The following RPS6KA5 variants were observed in gnomAD, a reference collection of about 807,000 sequenced individuals.
RPS6KA5 encodes the protein ribosomal protein S6 kinase alpha-5.
Under a neutral mutation model 85.5 loss-of-function variants are expected in RPS6KA5, and 27 were observed. The observed-to-expected ratio is 0.32, with a 90% CI of 0.23 to 0.44. The LOEUF is 0.44. Among genes scored for constraint, RPS6KA5 ranks in the 20% least tolerant of loss-of-function variants. RPS6KA5 has a pLI of 1.00. For synonymous variants in RPS6KA5, 334 were observed against 348.2 expected, an observed-to-expected ratio of 0.96 and a Z score of 0.46; for missense variants, 811 against 980.9, an observed-to-expected ratio of 0.83 and a Z score of 2.31.
In RPS6KA5 at chr14:90,872,307, T is replaced by C; in HGVS notation, c.2176A>G (p.Lys726Glu). 2 of 1,611,738 alleles carry C rather than the reference T, an allele frequency of 1.2e-6. No individual in the cohort carries two copies. The highest frequency in any genetic ancestry group is 1.7e-6 in the Non-Finnish European group (2 of 1,179,438). Residue 726 changes from lysine (K) to glutamate (E), a missense_variant, in exon 17 of 17, where the codon AAG becomes GAG. Lys to Glu is a moderately conservative substitution (Grantham distance 56). Coordinates refer to ENST00000614987, the MANE Select transcript of RPS6KA5 (RefSeq NM_004755.4). The stretch of plus-strand genomic sequence containing the variant: ...TTCTGAAGGCAAAACCCCTCTCTCT[T>C]GTATTTGTTAAAGGCCTGGCGGGGG... ...KATFHAFNKYKREGFCLQNVD... is the reference protein window; with the variant it reads ...KATFHAFNKYEREGFCLQNVD...
chr14:90,946,765 C>T (rs919057942), intron 4 of RPS6KA5, among the ~76,000 whole-genome samples: 1 of 152,146 alleles, frequency 6.6e-6, no homozygotes, highest in Non-Finnish European at 1.5e-5. Context: ...TACAATGTTT[C>T]CTCATTAAGT....
At chr14:91,045,907 CT>C (rs1318964544) in intron 1 of RPS6KA5, among the ~76,000 whole-genome samples, 2 of 152,112 alleles carry the variant, frequency 1.3e-5, no homozygotes, top group Admixed American at 6.5e-5. Context: ...AGCCAGACAC[CT>C]TCCTTCCAGT....
At chr14:90,911,583 A>G (rs895050768) in intron 7 of RPS6KA5, 2 of 152,190 alleles carry the variant, frequency 1.3e-5, no homozygotes, top group Non-Finnish European at 2.9e-5. Flanking sequence ...TTTGTCCAAC[A>G]CTAGGGGAAA....
At chr14:91,042,665 A>C (rs914094686) in intron 1 of RPS6KA5, among the ~76,000 whole-genome samples, 1 of 152,084 alleles carries the variant, frequency 6.6e-6, no homozygotes, top group Non-Finnish European at 1.5e-5. Context: ...CCTGCCACCA[A>C]ATCTGCAAAT....
chr14:90,922,157 T>C (rs1325208598), intron 6 of RPS6KA5, among the ~76,000 whole-genome samples: 1 of 152,196 alleles, frequency 6.6e-6, no homozygotes, highest in Admixed American at 6.5e-5. Context: ...CAGTCTCCAG[T>C]GTCTCTGGAA....
intron 9 of RPS6KA5, among the ~76,000 whole-genome samples, chr14:90,901,117 T>C (rs1005307218): frequency 6.6e-6 from 1 of 152,158 alleles, no homozygotes; most frequent in African/African-American, 2.4e-5. Flanking sequence ...GTGGTCTTTT[T>C]TTTTTGAGAT....
chr14:90,969,268 C>T (rs2039213089), intron 3 of RPS6KA5, among the ~76,000 whole-genome samples: 1 of 152,166 alleles, frequency 6.6e-6, no homozygotes, highest in Admixed American at 6.5e-5. Context: ...TAGGGTAAAA[C>T]AGCACGTGCT....
In RPS6KA5 at chr14:90,851,380, G is replaced by T. The variant is rs2031990810; in HGVS notation, c.*20694C>A. 6.6e-6 allele frequency: 1 copy of T among 152,152 alleles called. No individual in the cohort carries two copies. The highest frequency in any genetic ancestry group is 1.5e-5 in the Non-Finnish European group (1 of 68,044). The allele number at this position is 152,152 out of a possible 1,614,324, so 9.4% of individuals were successfully genotyped here. The stretch of plus-strand genomic sequence containing the variant: ...AAATTAAATTGCTATATAACAGAAA[G>T]TCTTCATTATTAAATATCATTCTAC... On this transcript the variant is annotated 3_prime_UTR_variant, in exon 17 of 17. Transcript: ENST00000614987.
chr14:91,048,248 C>A (rs2042947801), intron 1 of RPS6KA5, among the ~76,000 whole-genome samples: 3 of 152,074 alleles, frequency 2.0e-5, no homozygotes, highest in Admixed American at 6.5e-5. Context: ...TTTTAAAATA[C>A]AAGAATTAAT....
intron 5 of RPS6KA5, among the ~76,000 whole-genome samples, chr14:90,926,865 T>C (rs60498079): frequency 0.076 from 11,530 of 151,994 alleles, 1,192 homozygotes; most frequent in African/African-American, 0.23. Context: ...TAAATTGAAC[T>C]TGAAAGAAAA....
At chr14:90,937,386 G>A (rs2037318047) in intron 5 of RPS6KA5, among the ~76,000 whole-genome samples, 1 of 152,090 alleles carries the variant, frequency 6.6e-6, no homozygotes, top group African/African-American at 2.4e-5. Context: ...CAATAGCTAG[G>A]CGGGAATATG....
chr14:90,883,319 T>C (rs930471832), intron 14 of RPS6KA5, among the ~76,000 whole-genome samples: 4 of 152,170 alleles, frequency 2.6e-5, no homozygotes, highest in African/African-American at 9.7e-5. Flanking sequence ...TGTTCGCTTT[T>C]TTTCATTTTT....
At chr14:91,002,969 T>C (rs1006035546) in intron 1 of RPS6KA5, among the ~76,000 whole-genome samples, 6 of 152,178 alleles carry the variant, frequency 3.9e-5, no homozygotes, top group Non-Finnish European at 8.8e-5. Flanking sequence ...AAAACATAGG[T>C]AGTATTCTAA....
intron 3 of RPS6KA5, among the ~76,000 whole-genome samples, chr14:90,966,232 G>A (rs926872142): frequency 2.6e-4 from 40 of 152,298 alleles, no homozygotes; most frequent in African/African-American, 8.7e-4. Context: ...ACAAGACTCT[G>A]TTGAGAAATG....
intron 11 of RPS6KA5, among the ~76,000 whole-genome samples, 191 bp from the exon 12 acceptor site, chr14:90,899,613 A>T (rs2035044490): frequency 6.6e-6 from 1 of 152,200 alleles, no homozygotes; most frequent in African/African-American, 2.4e-5. Context: ...GGAGAAAATT[A>T]TTATTTCTGA....
chr14:90,983,831 CTCTCTCTCTTTCTTTTTT>C (rs1566826153), intron 2 of RPS6KA5, among the ~76,000 whole-genome samples: 2 of 141,416 alleles, frequency 1.4e-5, no homozygotes, highest in African/African-American at 5.7e-5. Context: ...CTCTCTCTCT[CTCTCTCTCTTTCTTTTTT>C]TCTTTCTTTC....
chr14:91,055,480 C>T (rs1333049721), intron 1 of RPS6KA5, among the ~76,000 whole-genome samples: 14 of 152,152 alleles, frequency 9.2e-5, no homozygotes, highest in Admixed American at 9.2e-4. Context: ...CTGATGCATG[C>T]TACAAATGGA....
chr14:91,032,969 A>G (rs185189698), intron 1 of RPS6KA5, among the ~76,000 whole-genome samples: 1 of 152,100 alleles, frequency 6.6e-6, no homozygotes, highest in East Asian at 1.9e-4. Context: ...CAGGAGATCG[A>G]GACCAGGAGA....
At chr14:90,879,523 C>T (rs2033689721) in intron 14 of RPS6KA5, among the ~76,000 whole-genome samples, 1 of 152,126 alleles carries the variant, frequency 6.6e-6, no homozygotes, top group Admixed American at 6.5e-5. Flanking sequence ...TCCTCTGTAT[C>T]TAGATTTTAT....
Sources: allele counts gnomAD v4.1 joint callset (sites outside exome capture counted in the v4.1 genomes callset), GRCh38; gene constraint gnomAD v4.1.1; transcripts MANE v1.5; gene names NCBI Gene and HGNC (gene_info 2026-07-23, HGNC 2026-07-21).